Variants in CLDN18 observed in about 807,000 individuals in gnomAD.
CLDN18 encodes the protein claudin 18.
A neutral mutation model predicts 25.0 loss-of-function variants in CLDN18; 20 were observed. The ratio of observed to expected loss-of-function variants is 0.80; its 90% confidence interval spans 0.56 to 1.16. The LOEUF is 1.16. Among genes scored for constraint, CLDN18 ranks in the 50% most tolerant of loss-of-function variants. CLDN18 has a pLI of 0.00. For missense variants in CLDN18, 297 were observed against 345.4 expected (o/e 0.86, Z 1.11); for synonymous variants, 125 against 135.6 (o/e 0.92, Z 0.54).
At chr3:138,029,542 T>G (rs1434694952) in intron 3 of CLDN18, among the ~76,000 whole-genome samples, 1 of 152,214 alleles carries the variant, frequency 6.6e-6, no homozygotes, top group Non-Finnish European at 1.5e-5. Context: ...GTCACAGAGA[T>G]AAGATTTATA....
chr3:137,999,099 G>C (rs1257967394), intron 1 of CLDN18: 2 of 1,612,506 alleles, frequency 1.2e-6, no homozygotes, highest in Admixed American at 3.3e-5. Context: ...GTAAGGGCCA[G>C]GTGTCTGGCT....
chr3:138,011,681 G>T (rs1942138050), intron 1 of CLDN18, among the ~76,000 whole-genome samples: 1 of 152,046 alleles, frequency 6.6e-6, no homozygotes, highest in Admixed American at 6.5e-5. Context: ...ATCATATAAA[G>T]AAAAAATATT....
rs1012027751 is a variant in CLDN18, at chr3:137,999,495, A to G, written c.220+407A>G. On this transcript the variant is annotated intron_variant, in intron 1 of 4. Coordinates refer to the CLDN18 transcript ENST00000343735. Reference sequence around the variant, plus strand: ...TATCTCCTGAACAGATTCCATCTTCAGGCCTCCTTGTGCCTGAACTCAGCT... The same window carrying G: ...TATCTCCTGAACAGATTCCATCTTCGGGCCTCCTTGTGCCTGAACTCAGCT... Among the ~76,000 whole-genome samples the G allele has an allele frequency of 5.3e-5, 8 of 152,264 alleles. No homozygotes were observed. In the South Asian group the frequency reaches 1.7e-3, roughly 32 times the overall value.
At position 138,033,117 on chromosome 3, in the gene CLDN18, A is replaced by C. The variant is rs1942416437; in HGVS notation, c.*1976A>C. On this transcript the variant is annotated 3_prime_UTR_variant, in exon 5 of 5. Transcript: ENST00000183605. ...ATACTCATAAGGATCTTCAGGCTGA[A>C]CAGACTATGTCTGGGGAAAGAACGG... The C allele has an allele frequency of 6.6e-6, 1 of 152,234 alleles. No homozygotes were observed. The highest frequency in any genetic ancestry group is 2.4e-5 in the African/African-American group (1 of 41,456). The allele number at this position is 152,234 out of a possible 1,614,324, so 9.4% of individuals were successfully genotyped here. A position where few individuals can be genotyped will look rare whatever the true frequency, so the allele number is the denominator to read the frequency against.
upstream of CLDN18, chr3:138,010,154 G>C: frequency 1.3e-6 from 2 of 1,552,082 alleles, no homozygotes; most frequent in Non-Finnish European, 1.7e-6. Context: ...CCTCAGGAGC[G>C]CGTTAGCTTC....
rs763361247 is a variant in CLDN18, at chr3:138,031,130, G to A, written c.775G>A (p.Asp259Asn). 9.3e-6 allele frequency: 15 copies of A among 1,613,340 alleles called. No homozygotes were observed. Among genetic ancestry groups the A allele is most frequent in the East Asian group, 4.5e-5 (2 of 44,858 alleles). ...DEVQSYPSKH[D>N]YV is the part of the protein sequence containing the mutation. ...GGTACAATCTTATCCTTCCAAGCAC[G>A]ACTATGTGTAATGCTCTAAGACCTC... is the stretch of plus-strand genomic sequence containing the variant. Residue 259 changes from aspartate (D) to asparagine (N), a missense_variant, in exon 5 of 5, where the codon GAC (aspartate) becomes AAC (asparagine). Asp to Asn is a conservative substitution (Grantham distance 23). Coordinates refer to ENST00000183605, the MANE Select transcript of CLDN18 (RefSeq NM_016369.4).
chr3:138,023,792 C>T lies in CLDN18; in HGVS notation c.355C>T (p.Leu119=). Reference sequence around the variant, plus strand: ...GGACTCTGCCAAAGCCAACATGACACTGACCTCCGGGATCATGTTCATTGT... The same window carrying T: ...GGACTCTGCCAAAGCCAACATGACATTGACCTCCGGGATCATGTTCATTGT... ...MEDSAKANMT[L]TSGIMFIVSG... Residue 119 remains leucine (L), a synonymous_variant, in exon 2 of 5, where the codon CTG becomes TTG. Transcript: ENST00000183605. 6.2e-7 allele frequency: 1 copy of T among 1,613,884 alleles called. No homozygotes were observed. The highest frequency in any genetic ancestry group is 1.3e-5 in the African/African-American group (1 of 75,060).
At chr3:138,026,448 C>G (rs1256317614) in intron 3 of CLDN18, among the ~76,000 whole-genome samples, 2 of 152,112 alleles carry the variant, frequency 1.3e-5, no homozygotes, top group Non-Finnish European at 2.9e-5. Context: ...GAGTTCGAGA[C>G]CAGCCTGGTC....
exon 1 of CLDN18, chr3:137,998,913 G>C: frequency 1.2e-6 from 2 of 1,614,274 alleles, no homozygotes; most frequent in Non-Finnish European, 1.7e-6. Context: ...TGGTTTCACT[G>C]ATTGGGATTG....
intron 1 of CLDN18, among the ~76,000 whole-genome samples, chr3:138,021,986 C>G (rs1004521610): frequency 2.6e-5 from 4 of 152,166 alleles, no homozygotes; most frequent in African/African-American, 9.7e-5. Context: ...AACAATGGTG[C>G]TGGGATAGCA....
chr3:137,999,796 A>G (rs749874939), intron 1 of CLDN18, among the ~76,000 whole-genome samples: 1 of 152,228 alleles, frequency 6.6e-6, no homozygotes, highest in South Asian at 2.1e-4. Flanking sequence ...TCAATACACA[A>G]GGATTGTGTT....
chr3:138,018,247 A>G (rs1297668651), intron 1 of CLDN18, among the ~76,000 whole-genome samples: 1 of 152,060 alleles, frequency 6.6e-6, no homozygotes, highest in Non-Finnish European at 1.5e-5. Flanking sequence ...GTAAGGGTTC[A>G]CGCTCTTCAA....
At chr3:138,025,374 T>C (rs1942314964) in intron 3 of CLDN18, among the ~76,000 whole-genome samples, 1 of 152,180 alleles carries the variant, frequency 6.6e-6, no homozygotes, top group African/African-American at 2.4e-5. Context: ...AACGCCCATA[T>C]TCATTTAGTC....
upstream of CLDN18, chr3:138,010,109 A>G: frequency 6.9e-7 from 1 of 1,443,348 alleles, no homozygotes; most frequent in South Asian, 1.4e-5. Flanking sequence ...GCAAATACTG[A>G]GAGCCTAGGG....
upstream of CLDN18, among the ~76,000 whole-genome samples, chr3:138,007,799 C>G (rs186462934): frequency 4.0e-4 from 61 of 152,334 alleles, no homozygotes; most frequent in Middle Eastern, 0.014. Flanking sequence ...ATTCCAACAA[C>G]AGTTTTCAAC....
At chr3:138,014,247 C>T (rs1942177326) in intron 1 of CLDN18, among the ~76,000 whole-genome samples, 1 of 152,246 alleles carries the variant, frequency 6.6e-6, no homozygotes, top group East Asian at 1.9e-4. Flanking sequence ...GTCCTTGGCT[C>T]TCTGAGAAGG....
rs1303683259 is a variant in CLDN18, at chr3:138,010,181, G to A, written c.-45G>A. ...GTTAGCTTCACACCTTCGGCAGCAG[G>A]AGGGCGGCAGCTTCTCGCAGGCGGC... On this transcript the variant is annotated 5_prime_UTR_variant, in exon 1 of 5. Coordinates refer to ENST00000183605, the MANE Select transcript of CLDN18 (RefSeq NM_016369.4). The A allele has an allele frequency of 1.3e-6, 2 of 1,597,218 alleles. No homozygotes were observed. The highest frequency in any genetic ancestry group is 3.4e-5 in the Admixed American group (2 of 58,536).
Position 138,031,242 on chromosome 3 carries a change from C to A in CLDN18, c.*101C>A. Reference sequence around the variant, plus strand: ...ATTTCTTCTTGCTTTTGACTCACAGCTGGAAGTTAGAAAAGCCTCGATTTC... The same window carrying A: ...ATTTCTTCTTGCTTTTGACTCACAGATGGAAGTTAGAAAAGCCTCGATTTC... On this transcript the variant is annotated 3_prime_UTR_variant, in exon 5 of 5. Coordinates refer to ENST00000183605, the MANE Select transcript of CLDN18 (RefSeq NM_016369.4). The A allele has an allele frequency of 8.9e-7, 1 of 1,121,796 alleles. No individual in the cohort carries two copies. The highest frequency in any genetic ancestry group is 1.2e-6 in the Non-Finnish European group (1 of 804,300). 69.5% of individuals were successfully genotyped at this position (1,121,796 alleles called of 1,614,324 possible).
chr3:138,004,880 C>T (rs1441539601), intron 1 of CLDN18: 1 of 151,542 alleles, frequency 6.6e-6, no homozygotes, highest in African/African-American at 2.4e-5. Flanking sequence ...TGGAAGAAAA[C>T]ACAAAGAAAA....
Sources: gnomAD v4.1 joint callset for allele counts (sites outside exome capture counted in the v4.1 genomes callset) on GRCh38, gnomAD v4.1.1 for gene constraint, MANE v1.5 for transcripts, NCBI Gene and HGNC (gene_info 2026-07-23, HGNC 2026-07-21) for gene names.